EYS: variants seen among roughly 807,000 people sequenced by gnomAD.
EYS encodes protein eyes shut homolog.
EYS carries 250 observed loss-of-function variants against 282.1 expected under a neutral mutation model. That is an observed-to-expected ratio of 0.89 (90% CI 0.80 to 0.98). The LOEUF (loss-of-function observed/expected upper bound fraction) is 0.98, where lower values mean the gene tolerates loss of function less well. EYS is among the 50% of genes least tolerant of loss of function. The probability of loss-of-function intolerance (pLI) is 0.00; values close to 1 mark genes in which losing one functional copy is unlikely to be tolerated. For synonymous variants in EYS, 1,355 were observed against 1,282.9 expected (o/e 1.06, Z -1.20); for missense variants, 4,016 against 3,709.0 (o/e 1.08, Z -2.15).
chr6:63,778,010 C>A lies in EYS; in HGVS notation c.7894G>T (p.Val2632Phe). ...TCCTAATAACGTCATACTTACTAAA[C>A]ACTAGTTCCACTCTCTATGCATGTC... ...GGTCIESGTS[V>F]YCNCTTGWKG... is the part of the protein sequence containing the mutation. The change falls in exon 40 of 43, where the codon GTT becomes TTT. Residue 2632 changes from valine (V) to phenylalanine (F), a missense_variant. By Grantham distance (50) the Val-to-Phe change is conservative (BLOSUM62 -1). Coordinates refer to ENST00000503581, the MANE Select transcript of EYS (RefSeq NM_001142800.2). 1 of 1,551,572 alleles carries A rather than the reference C, an allele frequency of 6.4e-7. No homozygotes were observed. The highest frequency in any genetic ancestry group is 8.7e-7 in the Non-Finnish European group (1 of 1,146,856).
Position 65,494,757 on chromosome 6 carries a change from A to G in EYS, c.654T>C (p.Ser218=). 6.2e-7 allele frequency: 1 copy of G among 1,613,990 alleles called. No individual in the cohort carries two copies. The highest frequency in any genetic ancestry group is 8.5e-7 in the Non-Finnish European group (1 of 1,179,930). Reference sequence around the variant, plus strand: ...TGCCATTATTTTTACATGGTTTAAAAGAACATGCATCAAGTTCCTGGCAGT... The same window carrying G: ...TGCCATTATTTTTACATGGTTTAAAGGAACATGCATCAAGTTCCTGGCAGT... ...GKYCQELDAC[S]FKPCKNNGSC... The change falls in exon 4 of 43, where the codon TCT becomes TCC. Residue 218 remains serine, a synonymous_variant. Coordinates refer to ENST00000503581, the MANE Select transcript of EYS (RefSeq NM_001142800.2).
At chr6:63,852,533 A>G (rs774540929) in intron 36 of EYS, among the ~76,000 whole-genome samples, 2 of 152,222 alleles carry the variant, frequency 1.3e-5, no homozygotes, top group Non-Finnish European at 1.5e-5. Flanking sequence ...ATGAATTCAC[A>G]GCTGAATTCT....
chr6:63,816,802 A>G (rs1415440954), intron 36 of EYS, among the ~76,000 whole-genome samples: 1 of 152,240 alleles, frequency 6.6e-6, no homozygotes, highest in Non-Finnish European at 1.5e-5. Flanking sequence ...AAACAAACGT[A>G]ATACCCAATA....
intron 26 of EYS, among the ~76,000 whole-genome samples, chr6:64,583,543 C>T (rs971287250): frequency 9.9e-5 from 15 of 152,220 alleles, no homozygotes; most frequent in African/African-American, 3.6e-4. Context: ...CGCCTGTTAT[C>T]CCAACACTTT....
chr6:65,632,503 GCTCCC>G (rs1299391787), intron 2 of EYS, among the ~76,000 whole-genome samples: 3 of 152,110 alleles, frequency 2.0e-5, no homozygotes, highest in Non-Finnish European at 2.9e-5. Flanking sequence ...AGTATAAAGA[GCTCCC>G]TTGGTGCGGG....
chr6:64,289,245 G>T (rs1293191729), intron 30 of EYS, among the ~76,000 whole-genome samples: 1 of 151,802 alleles, frequency 6.6e-6, no homozygotes, highest in African/African-American at 2.4e-5. Flanking sequence ...TCCTCTTCTG[G>T]TAAACTCCCA....
intron 22 of EYS, among the ~76,000 whole-genome samples, chr6:64,633,626 CAAAAAA>C (rs58815312): frequency 7.1e-6 from 1 of 140,592 alleles, no homozygotes; most frequent in Non-Finnish European, 1.5e-5. Context: ...CTTTTCTCAG[CAAAAAA>C]AAAAAAAAAA....
intron 29 of EYS, among the ~76,000 whole-genome samples, chr6:64,332,726 G>A (rs530420566): frequency 6.6e-6 from 1 of 152,264 alleles, no homozygotes; most frequent in Non-Finnish European, 1.5e-5. Context: ...GAAGCTTAAG[G>A]AAACATCAAG....
At chr6:65,687,613 A>T (rs1279778821) in intron 1 of EYS, among the ~76,000 whole-genome samples, 1 of 152,162 alleles carries the variant, frequency 6.6e-6, no homozygotes, top group Admixed American at 6.6e-5. Context: ...AATAAAGGGC[A>T]TTCAATTAGG....
chr6:63,908,044 G>A (rs1421400368), intron 35 of EYS, among the ~76,000 whole-genome samples: 33 of 42,130 alleles, frequency 7.8e-4, no homozygotes, highest in African/African-American at 6.1e-3. Context: ...GTTTGTGTGT[G>A]TGTGTGTGTG....
At chr6:63,904,527 G>A (rs1773731078) in intron 35 of EYS, among the ~76,000 whole-genome samples, 1 of 152,156 alleles carries the variant, frequency 6.6e-6, no homozygotes, top group African/African-American at 2.4e-5. Context: ...GATAATAGGG[G>A]AAGTCTTTCA....
At position 64,896,545 on chromosome 6, in the gene EYS, G is replaced by GT. The variant is rs796873824; in HGVS notation, c.2846+5567dup. On this transcript the variant is annotated intron_variant, in intron 18 of 42. Transcript: ENST00000503581. ...CATTGAGCTAGCTGCAGGAGTTGTT[G>GT]TTTTTTTTTTTTTTTTTTCGTATCC... Among the ~76,000 whole-genome samples the GT allele has an allele frequency of 8.6e-3, 731 of 85,276 alleles. 4 individuals are homozygous for GT. The highest frequency in any genetic ancestry group is 0.021 in the African/African-American group (582 of 27,238). 55.9% of individuals were successfully genotyped at this position (85,276 alleles called of 152,430 possible).
Position 65,405,382 on chromosome 6 carries a change from A to C in EYS, c.863-15T>G. 2 of 1,547,848 alleles carry C rather than the reference A, an allele frequency of 1.3e-6. No individual in the cohort carries two copies. The highest frequency in any genetic ancestry group is 1.8e-6 in the Non-Finnish European group (2 of 1,139,482). On this transcript the variant is annotated splice_polypyrimidine_tract_variant and intron_variant, in intron 5 of 42. Coordinates refer to ENST00000503581, the MANE Select transcript of EYS (RefSeq NM_001142800.2). The stretch of plus-strand genomic sequence containing the variant: ...ACAGAATGGACCTTAAAAAAATCAC[A>C]CACAAGAAAAAAAAAGAAAAGGAAG...
chr6:64,111,670 G>T (rs567269299), intron 31 of EYS, among the ~76,000 whole-genome samples: 1 of 152,098 alleles, frequency 6.6e-6, no homozygotes, highest in East Asian at 1.9e-4. Context: ...GTGTAAAGTG[G>T]TGGCCATGAA....
intron 36 of EYS, among the ~76,000 whole-genome samples, chr6:63,810,481 GC>G (rs1401980542): frequency 1.3e-5 from 2 of 152,124 alleles, no homozygotes; most frequent in Non-Finnish European, 2.9e-5. Context: ...AAGCCCACCG[GC>G]TGGTAGTAAA....
chr6:63,949,032 T>C (rs1765485366), intron 35 of EYS, among the ~76,000 whole-genome samples: 2 of 152,194 alleles, frequency 1.3e-5, no homozygotes, highest in Non-Finnish European at 2.9e-5. Context: ...GATTTTTTAA[T>C]ATACAAAAAT....
chr6:65,198,505 T>G (rs1289595412), intron 12 of EYS, among the ~76,000 whole-genome samples: 1 of 152,114 alleles, frequency 6.6e-6, no homozygotes, highest in Non-Finnish European at 1.5e-5. Flanking sequence ...CAGGGATTTT[T>G]TTTTACACCT....
intron 30 of EYS, among the ~76,000 whole-genome samples, chr6:64,288,935 TC>T: frequency 6.6e-6 from 1 of 152,212 alleles, no homozygotes; most frequent in East Asian, 1.9e-4. Context: ...CTTCAGGCAC[TC>T]ATTTTTTTCT....
intron 22 of EYS, among the ~76,000 whole-genome samples, chr6:64,658,549 T>C (rs1768852053): frequency 6.6e-6 from 1 of 152,362 alleles, no homozygotes; most frequent in Non-Finnish European, 1.5e-5. Context: ...ATGTCCTTTC[T>C]GTTTGTCAGT....
Sources: allele counts gnomAD v4.1 joint callset (sites outside exome capture counted in the v4.1 genomes callset), GRCh38; gene constraint gnomAD v4.1.1; transcripts MANE v1.5; gene names NCBI Gene and HGNC (gene_info 2026-07-23, HGNC 2026-07-21).